Variants in DNAH3 observed in about 807,000 individuals in gnomAD.
The protein encoded by DNAH3 is dynein axonemal heavy chain 3, also known as axonemal beta dynein heavy chain 3.
DNAH3 carries 332 observed loss-of-function variants against 432.5 expected under a neutral mutation model. That is an observed-to-expected ratio of 0.77 (90% CI 0.70 to 0.84). The LOEUF (loss-of-function observed/expected upper bound fraction) is 0.84, where lower values mean the gene tolerates loss of function less well. DNAH3 is among the 40% of genes least tolerant of loss of function. The pLI is 0.00. For synonymous variants in DNAH3, 1,956 were observed against 1,900.2 expected, an observed-to-expected ratio of 1.03 and a Z score of -0.76; for missense variants, 4,861 against 5,114.0, an observed-to-expected ratio of 0.95 and a Z score of 1.51.
intron 1 of DNAH3, among the ~76,000 whole-genome samples, chr16:21,148,829 G>C (rs1003184449): frequency 8.5e-5 from 13 of 152,116 alleles, no homozygotes; most frequent in Admixed American, 3.9e-4. Context: ...GCAGAATGGG[G>C]CTAAAAGAGT....
chr16:20,935,620 T>C, intron 60 of DNAH3, 135 bp from the exon 61 acceptor site: 1 of 938,610 alleles, frequency 1.1e-6, no homozygotes, highest in South Asian at 1.7e-5. Flanking sequence ...GTTTAGCTTC[T>C]ATCTTCCCAC....
At chr16:21,046,843 C>T (rs2089721433) in intron 31 of DNAH3, among the ~76,000 whole-genome samples, 1 of 152,024 alleles carries the variant, frequency 6.6e-6, no homozygotes, top group Non-Finnish European at 1.5e-5. Context: ...TTAGTGCTTC[C>T]TTCAGGAGCT....
At chr16:21,069,235 G>A (rs767213979) in intron 23 of DNAH3, among the ~76,000 whole-genome samples, 180 bp downstream of exon 23, 3 of 152,274 alleles carry the variant, frequency 2.0e-5, no homozygotes, top group East Asian at 1.9e-4. Context: ...ATGAGCCATC[G>A]CACTGGTCAT....
intron 50 of DNAH3, among the ~76,000 whole-genome samples, chr16:20,975,980 G>C (rs971361690): frequency 6.6e-6 from 1 of 152,024 alleles, no homozygotes; most frequent in African/African-American, 2.4e-5. Context: ...CCTGACCTCA[G>C]GTGATCCACC....
At position 21,010,131 on chromosome 16, in the gene DNAH3, G is replaced by A. The variant is rs192462990; in HGVS notation, c.6023-6924C>T. On this transcript the variant is annotated intron_variant, in intron 41 of 61. Coordinates refer to ENST00000261383, the Ensembl canonical transcript of DNAH3. ...GTGAGATATATGTATCAAACATCTA[G>A]CATAGTTCTGGGCACACAGAAGGCA... 3.3e-5 allele frequency among the ~76,000 whole-genome samples: 5 copies of A among 152,268 alleles called. No individual in the cohort carries two copies. The East Asian group carries it at 9.6e-4, about 29-fold the overall frequency.
At chr16:21,159,421 G>C (rs2152840128) in exon 1 of DNAH3, 1 of 1,613,976 alleles carries the variant, frequency 6.2e-7, no homozygotes, top group African/African-American at 1.3e-5. Context: ...GTGTGAGCTC[G>C]AGGCGCCCTG....
Position 21,075,429 on chromosome 16 carries a change from G to A in DNAH3, c.3084+18C>T, listed in dbSNP as rs753241254. 35 of 1,549,890 alleles carry A rather than the reference G, an allele frequency of 2.3e-5. No individual in the cohort carries two copies. Among genetic ancestry groups the A allele is most frequent in the East Asian group, 6.7e-5 (3 of 44,604 alleles). ...TGGGGCTGCTTTCAAAAGGGGCTGC[G>A]GTTGCAGTGAGACTCACAGTGTCCC... On this transcript the variant is annotated intron_variant, in intron 21 of 61. Transcript: ENST00000261383.
chr16:20,989,931 C>T (rs1013476561), intron 44 of DNAH3, among the ~76,000 whole-genome samples: 1 of 152,244 alleles, frequency 6.6e-6, no homozygotes, highest in Non-Finnish European at 1.5e-5. Flanking sequence ...GCCGGCTGCT[C>T]CGAGTGCGGG....
At chr16:21,158,860 G>C (rs1280628611) in intron 1 of DNAH3, 2 of 164,634 alleles carry the variant, frequency 1.2e-5, no homozygotes, top group Non-Finnish European at 2.7e-5. Flanking sequence ...GCGCTATCGG[G>C]GTCCCACGCC....
intron 56 of DNAH3, among the ~76,000 whole-genome samples, chr16:20,949,248 A>C (rs1304718591): frequency 7.6e-6 from 1 of 131,298 alleles, no homozygotes; most frequent in Admixed American, 8.1e-5. Context: ...TCTGGGTGAC[A>C]GAGGGAGACT....
At chr16:20,977,280 G>A (rs980857857) in intron 50 of DNAH3, among the ~76,000 whole-genome samples, 6 of 152,192 alleles carry the variant, frequency 3.9e-5, no homozygotes, top group Non-Finnish European at 7.3e-5. Context: ...GGGAGACTGA[G>A]GCAGGAGAAT....
chr16:21,050,000 CA>C lies in DNAH3; in HGVS notation c.4256del (p.Leu1419Ter). 1 of 1,614,108 alleles carries C rather than the reference CA, an allele frequency of 6.2e-7. No homozygotes were observed. The highest frequency in any genetic ancestry group is 8.5e-7 in the Non-Finnish European group (1 of 1,179,954). On this transcript the variant is annotated frameshift_variant, in exon 30 of 62. Transcript: ENST00000261383. LOFTEE classifies it high-confidence loss of function. ...CTGGAGCACCCCCAAGGTTCAGCTT[CA>C]AAGCTCCCATCAGTGTCCTATGGGG...
At chr16:21,069,519 G>A (rs1387346857) in exon 23 of DNAH3, 1 of 1,613,820 alleles carries the variant, frequency 6.2e-7, no homozygotes, top group African/African-American at 1.3e-5. Flanking sequence ...ATTGGTTCCA[G>A]GTACAGCCAG....
intron 27 of DNAH3, among the ~76,000 whole-genome samples, chr16:21,056,354 T>A (rs2090131805): frequency 6.6e-6 from 1 of 151,106 alleles, no homozygotes. Context: ...CTCACTCTCT[T>A]ACTCTTTCCT....
intron 36 of DNAH3, among the ~76,000 whole-genome samples, chr16:21,031,766 G>T (rs1285874585): frequency 6.6e-6 from 1 of 152,168 alleles, no homozygotes; most frequent in East Asian, 1.9e-4. Context: ...AGTGGCTCAC[G>T]CCTGTAATCC....
intron 57 of DNAH3, 107 bp downstream of exon 57, chr16:20,948,376 G>A (rs988461331): frequency 1.7e-6 from 2 of 1,167,966 alleles, no homozygotes; most frequent in Non-Finnish European, 2.4e-6. Context: ...AATTCAGGAA[G>A]CCCAAGGTCA....
At chr16:20,989,938 C>T (rs1189394363) in intron 44 of DNAH3, among the ~76,000 whole-genome samples, 1 of 152,218 alleles carries the variant, frequency 6.6e-6, no homozygotes, top group Non-Finnish European at 1.5e-5. Context: ...GCTCCGAGTG[C>T]GGGGCCCGCC....
chr16:21,094,442 A>C (rs747125715), intron 18 of DNAH3, among the ~76,000 whole-genome samples: 4 of 152,048 alleles, frequency 2.6e-5, no homozygotes, highest in South Asian at 2.1e-4. Context: ...AGGCCGAGGC[A>C]GGTGGATCAC....
At chr16:21,142,583 G>A (rs372427110) in intron 3 of DNAH3, among the ~76,000 whole-genome samples, 14 of 151,550 alleles carry the variant, frequency 9.2e-5, no homozygotes, top group African/African-American at 3.1e-4. Context: ...ACTTTAATTA[G>A]ATATTACTTC....
Sources: allele counts gnomAD v4.1 joint callset (sites outside exome capture counted in the v4.1 genomes callset), GRCh38; gene constraint gnomAD v4.1.1; transcripts MANE v1.5; gene names NCBI Gene and HGNC (gene_info 2026-07-23, HGNC 2026-07-21).